SLC14A2: variants seen among roughly 807,000 people sequenced by gnomAD.
SLC14A2 encodes the protein urea transporter 2.
In SLC14A2, 91 loss-of-function variants were observed where a neutral mutation model predicts 104.6. The observed-to-expected ratio is 0.87, with a 90% CI of 0.73 to 1.04. The LOEUF (loss-of-function observed/expected upper bound fraction) is 1.04. Among genes scored for constraint, SLC14A2 ranks in the 50% least tolerant of loss-of-function variants. SLC14A2 has a pLI of 0.00. For missense variants in SLC14A2, 1,189 were observed against 1,156.0 expected, an observed-to-expected ratio of 1.03 and a Z score of -0.41; for synonymous variants, 476 against 466.4, an observed-to-expected ratio of 1.02 and a Z score of -0.27.
chr18:45,508,194 A>C (rs190646059), intron 2 of SLC14A2, among the ~76,000 whole-genome samples: 2 of 152,180 alleles, frequency 1.3e-5, no homozygotes, highest in African/African-American at 2.4e-5. Context: ...TTTACAGGCT[A>C]GTCTTCACTT....
chr18:45,305,575 C>G (rs1246552167), intron 1 of SLC14A2, among the ~76,000 whole-genome samples: 1 of 152,206 alleles, frequency 6.6e-6, no homozygotes, highest in Non-Finnish European at 1.5e-5. Context: ...CTCCCCAGGT[C>G]TCCCTGACCC....
intron 1 of SLC14A2, among the ~76,000 whole-genome samples, chr18:45,276,673 A>G (rs1234415723): frequency 1.3e-5 from 2 of 152,374 alleles, no homozygotes; most frequent in South Asian, 2.1e-4. Flanking sequence ...GAACAAGCTT[A>G]AAGTAAATTG....
At chr18:45,269,225 A>G (rs527240763) in intron 1 of SLC14A2, among the ~76,000 whole-genome samples, 1 of 152,200 alleles carries the variant, frequency 6.6e-6, no homozygotes, top group South Asian at 2.1e-4. Context: ...CAGTTGTGCT[A>G]GGAAGATTCT....
intron 1 of SLC14A2, among the ~76,000 whole-genome samples, chr18:45,365,571 C>T (rs898418424): frequency 5.9e-5 from 9 of 152,176 alleles, no homozygotes; most frequent in African/African-American, 2.2e-4. Context: ...TCTTGGTTGT[C>T]TTCCTTGCTA....
chr18:45,460,632 G>C (rs896638887), intron 1 of SLC14A2, among the ~76,000 whole-genome samples: 2 of 152,158 alleles, frequency 1.3e-5, no homozygotes, highest in Non-Finnish European at 2.9e-5. Context: ...AACATTTCAT[G>C]TATCTTAAAT....
intron 2 of SLC14A2, among the ~76,000 whole-genome samples, chr18:45,585,350 C>T (rs1434314466): frequency 6.6e-6 from 1 of 152,128 alleles, no homozygotes; most frequent in Non-Finnish European, 1.5e-5. Flanking sequence ...TTATTGCCTC[C>T]CCTCTCTAGA....
At chr18:45,339,480 C>T (rs904044474) in intron 1 of SLC14A2, among the ~76,000 whole-genome samples, 1 of 152,158 alleles carries the variant, frequency 6.6e-6, no homozygotes, top group Non-Finnish European at 1.5e-5. Context: ...TAACTATGCA[C>T]CTCTGAAGTA....
chr18:45,206,199 G>A, the SLC14A2 span, among the ~76,000 whole-genome samples: 12 of 152,278 alleles, frequency 7.9e-5, no homozygotes, highest in African/African-American at 2.2e-4. Flanking sequence ...GCCTTTTCAC[G>A]TAGTGTTCCA....
intron 1 of SLC14A2, among the ~76,000 whole-genome samples, chr18:45,300,242 T>C (rs573367481): frequency 6.6e-6 from 1 of 152,300 alleles, no homozygotes; most frequent in Admixed American, 6.5e-5. Flanking sequence ...ATGTGTTGTA[T>C]GTTTATCATC....
chr18:45,471,849 G>A (rs1361944644), intron 1 of SLC14A2, among the ~76,000 whole-genome samples: 2 of 151,348 alleles, frequency 1.3e-5, no homozygotes, highest in East Asian at 3.9e-4. Context: ...ATTGAGGCTT[G>A]TTGTTTTTTT....
intron 1 of SLC14A2, among the ~76,000 whole-genome samples, chr18:45,391,301 A>C (rs1205640140): frequency 1.3e-5 from 2 of 152,182 alleles, no homozygotes; most frequent in African/African-American, 2.4e-5. Flanking sequence ...TATATGTGCC[A>C]CACTTTCTTA....
At chr18:45,415,969 G>C (rs1308401122) in intron 1 of SLC14A2, among the ~76,000 whole-genome samples, 1 of 152,078 alleles carries the variant, frequency 6.6e-6, no homozygotes, top group Non-Finnish European at 1.5e-5. Context: ...CTGCGCCAAG[G>C]GAAAACAATT....
chr18:45,453,163 C>T (rs1474339336), intron 1 of SLC14A2, among the ~76,000 whole-genome samples: 2 of 152,204 alleles, frequency 1.3e-5, no homozygotes, highest in African/African-American at 4.8e-5. Flanking sequence ...TACTCAGCTT[C>T]ATTCTGCCTG....
chr18:45,486,440 A>G (rs2087607447), intron 2 of SLC14A2, among the ~76,000 whole-genome samples: 1 of 152,042 alleles, frequency 6.6e-6, no homozygotes, highest in African/African-American at 2.4e-5. Context: ...GAACACTGCT[A>G]CCTTTGATCC....
At chr18:45,388,026 T>A (rs1260517317) in intron 1 of SLC14A2, among the ~76,000 whole-genome samples, 1 of 149,808 alleles carries the variant, frequency 6.7e-6, no homozygotes, top group Non-Finnish European at 1.5e-5. Flanking sequence ...CAAAGGAGGA[T>A]GAAGTCCTGG....
At chr18:45,639,706 T>C (rs1406720395) in intron 6 of SLC14A2, 40 bp from the exon 7 acceptor site, 1 of 1,604,344 alleles carries the variant, frequency 6.2e-7, no homozygotes, top group South Asian at 1.1e-5. Flanking sequence ...TTTGCATTAT[T>C]GTCCATGCTC....
chr18:45,673,166 T>C, intron 17 of SLC14A2, 119 bp downstream of exon 17: 1 of 988,728 alleles, frequency 1.0e-6, no homozygotes, highest in Non-Finnish European at 1.5e-6. Context: ...TTTCCCTCCT[T>C]CTGTTGTACC....
rs554500110 is a variant in SLC14A2 at position 45,595,226 on chromosome 18, C to G, written c.-34-29405C>G. On this transcript the variant is annotated intron_variant, in intron 2 of 20. Transcript: ENST00000586448. ...TGTTAGAGTACTAAGCTTAATGTTA[C>G]GCAAAAAGCAGGGTCTCAGTAAAAA... Among the ~76,000 whole-genome samples, 202 of 104,178 alleles carry G rather than the reference C, an allele frequency of 1.9e-3. 1 individual carries two copies. Among genetic ancestry groups the G allele is most frequent in the African/African-American group, 6.0e-3 (186 of 30,968 alleles). 68.3% of individuals were successfully genotyped at this position (104,178 alleles called of 152,430 possible). A position where few individuals can be genotyped will look rare whatever the true frequency, so the allele number is the denominator to read the frequency against.
chr18:45,200,489 C>G, the SLC14A2 span, among the ~76,000 whole-genome samples: 1 of 152,134 alleles, frequency 6.6e-6, no homozygotes, highest in South Asian at 2.1e-4. Flanking sequence ...TAAAGTTCTG[C>G]TGTGTGTATA....
Sources: allele counts gnomAD v4.1 joint callset (sites outside exome capture counted in the v4.1 genomes callset), GRCh38; gene constraint gnomAD v4.1.1; transcripts MANE v1.5; gene names NCBI Gene and HGNC (gene_info 2026-07-23, HGNC 2026-07-21).